The following ROBO2 variants were observed in gnomAD, a reference collection of about 807,000 sequenced individuals.
ROBO2 encodes the protein roundabout guidance receptor 2.
ROBO2 carries 53 observed loss-of-function variants against 160.8 expected under a neutral mutation model. The observed-to-expected ratio is 0.33, with a 90% CI of 0.26 to 0.41. ROBO2 has a LOEUF of 0.41. Ranked by LOEUF, ROBO2 falls within the 10% of genes least tolerant of loss-of-function variation. The pLI is 1.00. For synonymous variants in ROBO2, 664 were observed against 611.7 expected (o/e 1.09, Z -1.26); for missense variants, 1,577 against 1,722.4 (o/e 0.92, Z 1.49).
chr3:77,456,701 G>T (rs1289240367), intron 2 of ROBO2, among the ~76,000 whole-genome samples: 1 of 152,160 alleles, frequency 6.6e-6, no homozygotes, highest in African/African-American at 2.4e-5. Flanking sequence ...TGAAATGACT[G>T]GGCTTATTTG....
At chr3:76,533,247 G>T (rs921690818) in intron 2 of ROBO2, among the ~76,000 whole-genome samples, 2 of 152,194 alleles carry the variant, frequency 1.3e-5, no homozygotes, top group African/African-American at 4.8e-5. Flanking sequence ...TAAACACAAC[G>T]CCTGTCAGGC....
intron 2 of ROBO2, among the ~76,000 whole-genome samples, chr3:76,067,022 AC>A (rs2107929982): frequency 6.6e-6 from 1 of 152,256 alleles, no homozygotes; most frequent in Non-Finnish European, 1.5e-5. Context: ...ATGGACAAAT[AC>A]GAGTCTCCAG....
intron 2 of ROBO2, among the ~76,000 whole-genome samples, chr3:76,842,478 T>C (rs1316917273): frequency 1.3e-5 from 2 of 152,222 alleles, no homozygotes; most frequent in Admixed American, 1.3e-4. Context: ...AAATCTAAAC[T>C]GGACTACCAG....
chr3:76,903,874 C>T (rs569577068), intron 2 of ROBO2, among the ~76,000 whole-genome samples: 2 of 152,224 alleles, frequency 1.3e-5, no homozygotes, highest in East Asian at 3.9e-4. Context: ...AGTTTGCATG[C>T]ATCCTGTTGC....
intron 2 of ROBO2, among the ~76,000 whole-genome samples, chr3:77,308,383 G>A (rs1325717046): frequency 6.6e-6 from 1 of 151,958 alleles, no homozygotes; most frequent in Non-Finnish European, 1.5e-5. Context: ...CAAGGGCATC[G>A]TCAGGTGTTC....
chr3:77,244,928 A>G (rs2089535247), intron 2 of ROBO2, among the ~76,000 whole-genome samples: 1 of 142,742 alleles, frequency 7.0e-6, no homozygotes, highest in Admixed American at 7.3e-5. Context: ...ATCCCAACTG[A>G]AGTATATGTG....
intron 2 of ROBO2, among the ~76,000 whole-genome samples, chr3:76,925,138 G>A: frequency 6.7e-6 from 1 of 148,940 alleles, no homozygotes; most frequent in Non-Finnish European, 1.5e-5. Context: ...GTGAACCCGG[G>A]AGGCGGAGCT....
At chr3:76,855,985 C>T (rs1186447449) in intron 2 of ROBO2, among the ~76,000 whole-genome samples, 3 of 152,192 alleles carry the variant, frequency 2.0e-5, no homozygotes, top group South Asian at 2.1e-4. Flanking sequence ...TTCCCTATGC[C>T]GAATATATGG....
At chr3:77,477,537 A>C (rs1252707164) in exon 3 of ROBO2, 1 of 1,614,006 alleles carries the variant, frequency 6.2e-7, no homozygotes, top group African/African-American at 1.3e-5. Context: ...AAAAAAGACA[A>C]AGTTCGAATT....
At chr3:77,527,317 A>G in intron 6 of ROBO2, 86 bp from the exon 7 acceptor site, 2 of 1,010,080 alleles carry the variant, frequency 2.0e-6, no homozygotes, top group South Asian at 1.4e-5. Context: ...TAAATGTAAC[A>G]TTACACATCA....
At chr3:77,275,727 T>A (rs925193890) in intron 2 of ROBO2, among the ~76,000 whole-genome samples, 13 of 152,272 alleles carry the variant, frequency 8.5e-5, no homozygotes, top group Admixed American at 7.2e-4. Flanking sequence ...GGATAAAGTT[T>A]AATAGTATAA....
chr3:77,476,860 G>T (rs1008218989), intron 2 of ROBO2, among the ~76,000 whole-genome samples: 1 of 152,150 alleles, frequency 6.6e-6, no homozygotes, highest in Admixed American at 6.5e-5. Flanking sequence ...GTAGCCCTGC[G>T]TATGTGGGTG....
chr3:76,847,780 GC>G (rs1406591403), intron 2 of ROBO2, among the ~76,000 whole-genome samples: 1 of 151,896 alleles, frequency 6.6e-6, no homozygotes, highest in African/African-American at 2.4e-5. Flanking sequence ...CTGTGGCAAA[GC>G]TTTTTCTAAT....
intron 1 of ROBO2, among the ~76,000 whole-genome samples, chr3:77,042,518 G>T (rs192064080): frequency 2.0e-5 from 3 of 152,240 alleles, no homozygotes; most frequent in African/African-American, 7.2e-5. Context: ...TGTGTTGCTA[G>T]GAGGAATACA....
At chr3:76,395,859 C>T (rs1015668911) in intron 2 of ROBO2, among the ~76,000 whole-genome samples, 1 of 151,998 alleles carries the variant, frequency 6.6e-6, no homozygotes, top group Non-Finnish European at 1.5e-5. Context: ...GAGTCCAGGA[C>T]CAGATGGATT....
At chr3:76,511,120 C>T (rs1314985881) in intron 2 of ROBO2, among the ~76,000 whole-genome samples, 3 of 152,082 alleles carry the variant, frequency 2.0e-5, no homozygotes, top group Non-Finnish European at 2.9e-5. Context: ...TTACTGCCCC[C>T]GAAAGACACT....
At chr3:77,024,965 TTTTTTTGTTTG>T (rs1321392281) in intron 2 of ROBO2, among the ~76,000 whole-genome samples, 1 of 151,944 alleles carries the variant, frequency 6.6e-6, no homozygotes, top group African/African-American at 2.4e-5. Flanking sequence ...CTTAGCTGTT[TTTTTTTGTTTG>T]TTTTTTGTTT....
At chr3:76,038,210 G>T (rs567143670) in intron 2 of ROBO2, among the ~76,000 whole-genome samples, 1 of 152,132 alleles carries the variant, frequency 6.6e-6, no homozygotes, top group South Asian at 2.1e-4. Context: ...AGAGCTAGAA[G>T]AAATATCTGG....
At chr3:77,432,650 G>A (rs2078893934) in intron 2 of ROBO2, among the ~76,000 whole-genome samples, 1 of 152,152 alleles carries the variant, frequency 6.6e-6, no homozygotes, top group South Asian at 2.1e-4. Flanking sequence ...AGACTGAGTA[G>A]TTGCCACAAA....
Sources: allele counts gnomAD v4.1 joint callset (sites outside exome capture counted in the v4.1 genomes callset), GRCh38; gene constraint gnomAD v4.1.1; transcripts MANE v1.5; gene names NCBI Gene and HGNC (gene_info 2026-07-23, HGNC 2026-07-21).